RSRC2: variants seen among roughly 807,000 people sequenced by gnomAD.
RSRC2 encodes the protein arginine and serine rich coiled-coil 2.
A neutral mutation model predicts 61.3 loss-of-function variants in RSRC2; 5 were observed. The ratio of observed to expected loss-of-function variants is 0.08; its 90% CI spans 0.04 to 0.17. The LOEUF is 0.17. Among genes scored for constraint, RSRC2 ranks in the 10% least tolerant of loss-of-function variants. RSRC2 has a pLI of 1.00. For missense variants in RSRC2, 381 were observed against 518.8 expected (o/e 0.73, Z 2.58); for synonymous variants, 202 against 166.5 (o/e 1.21, Z -1.64).
chr12:122,519,302 G>A (rs1047593538), intron 3 of RSRC2: 9 of 366,440 alleles, frequency 2.5e-5, no homozygotes, highest in Non-Finnish European at 4.5e-5. Flanking sequence ...AAGCCATTAT[G>A]CCAGACAAAA....
intron 7 of RSRC2, among the ~76,000 whole-genome samples, chr12:122,510,210 T>C (rs1958396322): frequency 2.0e-5 from 3 of 152,344 alleles, no homozygotes; most frequent in Middle Eastern, 3.4e-3. Flanking sequence ...GTTCACTTTC[T>C]TGCATAAACT....
chr12:122,519,084 G>T, intron 3 of RSRC2, 55 bp from the exon 4 acceptor site: 1 of 1,456,352 alleles, frequency 6.9e-7, no homozygotes, highest in Non-Finnish European at 9.6e-7. Context: ...AAGAGAGTTA[G>T]TATGGGTATC....
At chr12:122,526,764 G>T in intron 1 of RSRC2, 84 bp downstream of exon 1, 1 of 1,505,546 alleles carries the variant, frequency 6.6e-7, no homozygotes, top group South Asian at 1.1e-5. Flanking sequence ...ACATACACAC[G>T]AACAAGGTTC....
chr12:122,520,943 C>T, intron 3 of RSRC2: 1 of 218,606 alleles, frequency 4.6e-6, no homozygotes, highest in Non-Finnish European at 9.4e-6. Flanking sequence ...ATTAGGGAAA[C>T]TGAACTAGTT....
At chr12:122,515,300 G>C (rs1958822110) in intron 5 of RSRC2, 73 bp from the exon 6 acceptor site, 6 of 1,457,808 alleles carry the variant, frequency 4.1e-6, no homozygotes, top group South Asian at 1.2e-5. Context: ...AAATCAATTA[G>C]TTCAAACAAA....
chr12:122,508,189 C>A, intron 8 of RSRC2, 29 bp downstream of exon 8: 1 of 1,578,840 alleles, frequency 6.3e-7, no homozygotes, highest in Non-Finnish European at 8.7e-7. Context: ...TAGGAATAAA[C>A]GACAGAAAAG....
intron 3 of RSRC2, chr12:122,520,246 A>G (rs1959177695): frequency 4.2e-6 from 1 of 237,962 alleles, no homozygotes. Context: ...CAGAAAAATA[A>G]GAGACCTGGA....
At chr12:122,514,497 C>G in intron 6 of RSRC2, 2 of 646,360 alleles carry the variant, frequency 3.1e-6, no homozygotes, top group Non-Finnish European at 3.8e-6. Context: ...AACTCCTGAC[C>G]TCAAGTGATC....
At chr12:122,521,479 T>C (rs1959209572) in intron 2 of RSRC2, 51 bp from the exon 3 acceptor site, 8 of 1,515,824 alleles carry the variant, frequency 5.3e-6, no homozygotes, top group Non-Finnish European at 6.4e-6. Context: ...GGAGAAACAT[T>C]TCATCTTAAA....
intron 7 of RSRC2, among the ~76,000 whole-genome samples, chr12:122,508,808 T>C (rs1236747607): frequency 6.6e-6 from 1 of 151,324 alleles, no homozygotes; most frequent in African/African-American, 2.4e-5. Flanking sequence ...AATACAAAAT[T>C]AGCCGGGCGT....
intron 6 of RSRC2, among the ~76,000 whole-genome samples, chr12:122,512,115 A>G (rs1958567193): frequency 6.6e-6 from 1 of 152,152 alleles, no homozygotes; most frequent in Non-Finnish European, 1.5e-5. Context: ...CCAAAAATGA[A>G]TGCTTGTTCT....
chr12:122,514,401 A>T (rs1178990953), intron 6 of RSRC2, among the ~76,000 whole-genome samples: 2 of 151,382 alleles, frequency 1.3e-5, no homozygotes, highest in Non-Finnish European at 2.9e-5. Context: ...AGTAGCTGGG[A>T]TTACAGGCGC....
chr12:122,509,691 T>C (rs1958351017), intron 7 of RSRC2, among the ~76,000 whole-genome samples: 1 of 152,102 alleles, frequency 6.6e-6, no homozygotes, highest in South Asian at 2.1e-4. Flanking sequence ...GTAGTAAAAA[T>C]AAAATGGCTA....
chr12:122,513,494 G>A (rs79959284), intron 6 of RSRC2, among the ~76,000 whole-genome samples: 6,639 of 151,918 alleles, frequency 0.044, 492 homozygotes, highest in African/African-American at 0.15. Context: ...ATGACATTTT[G>A]GATGCTATTA....
intron 6 of RSRC2, chr12:122,514,811 CAAA>C (rs11322682): frequency 1.5e-5 from 9 of 610,478 alleles, no homozygotes; most frequent in African/African-American, 1.2e-4. Context: ...ATTTAAGACT[CAAA>C]AAAAAAAAGT....
At chr12:122,526,665 C>G (rs1461760194) in intron 1 of RSRC2, among the ~76,000 whole-genome samples, 183 bp downstream of exon 1, 1 of 152,020 alleles carries the variant, frequency 6.6e-6, no homozygotes. Flanking sequence ...CTCCCCACCC[C>G]CACCAACACC....
rs2137595936 is a variant in RSRC2, at chr12:122,526,723, GA to G, written c.6+124del. 4 of 1,128,664 alleles carry G rather than the reference GA, an allele frequency of 3.5e-6. No homozygotes were observed. The East Asian group carries it at 7.2e-5, about 20-fold the overall frequency. 69.9% of individuals were successfully genotyped at this position (1,128,664 alleles called of 1,614,324 possible). A position where few individuals can be genotyped will look rare whatever the true frequency, so the allele number is the denominator to read the frequency against. On this transcript the variant is annotated intron_variant, in intron 1 of 9. Transcript: ENST00000331738. ...GCAGGCAGCCATGATGGCGGGCGCA[GA>G]AGAAGGCCGCGGCGCCATTTTGTCT... is the stretch of plus-strand genomic sequence containing the variant.
rs63636761 is a variant in RSRC2, at chr12:122,507,718, ATTT to A, written c.1035+497_1035+499del. On this transcript the variant is annotated intron_variant, in intron 8 of 9. Transcript: ENST00000331738. ...ACCCAGGCTGAAGTGCAGTGGCGTG[ATTT>A]TTTTTTTTTTTTTCCAGATGGAGTT... Among the ~76,000 whole-genome samples the A allele has an allele frequency of 1.5e-4, 21 of 143,304 alleles. No homozygotes were observed. In the East Asian group the frequency reaches 4.1e-3, roughly 28 times the overall value. 94.0% of individuals were successfully genotyped at this position (143,304 alleles called of 152,430 possible).
chr12:122,523,227 A>T (rs1959496407), intron 1 of RSRC2: 1 of 152,268 alleles, frequency 6.6e-6, no homozygotes, highest in Non-Finnish European at 1.5e-5. Context: ...AACTAAAGGC[A>T]CTTAAAACGC....
Sources: gnomAD v4.1 joint callset for allele counts (sites outside exome capture counted in the v4.1 genomes callset) on GRCh38, gnomAD v4.1.1 for gene constraint, MANE v1.5 for transcripts, NCBI Gene and HGNC (gene_info 2026-07-23, HGNC 2026-07-21) for gene names.